Variants in HAPLN1 observed in about 807,000 individuals in gnomAD.
HAPLN1 encodes hyaluronan and proteoglycan link protein 1.
Under a neutral mutation model 36.5 loss-of-function variants are expected in HAPLN1, and 13 were observed. The observed-to-expected ratio is 0.36, with a 90% CI of 0.23 to 0.57. The LOEUF is 0.57. Ranked by LOEUF, HAPLN1 falls within the 20% of genes least tolerant of loss-of-function variation. The pLI is 0.83. For synonymous variants in HAPLN1, 202 were observed against 169.8 expected, an observed-to-expected ratio of 1.19 and a Z score of -1.48; for missense variants, 407 against 439.7, an observed-to-expected ratio of 0.93 and a Z score of 0.66.
intron 2 of HAPLN1, among the ~76,000 whole-genome samples, chr5:83,658,800 G>C (rs954668730): frequency 6.6e-6 from 1 of 151,966 alleles, no homozygotes; most frequent in African/African-American, 2.4e-5. Context: ...CTCCCTTCGC[G>C]TCCAGCCTTT....
intron 4 of HAPLN1, among the ~76,000 whole-genome samples, chr5:83,643,694 C>T (rs944789419): frequency 6.6e-6 from 1 of 152,138 alleles, no homozygotes; most frequent in African/African-American, 2.4e-5. Flanking sequence ...CCAAGCAGTG[C>T]CCCTGCCTAG....
At chr5:83,719,842 C>T (rs1374248962) in intron 1 of HAPLN1, among the ~76,000 whole-genome samples, 1 of 152,138 alleles carries the variant, frequency 6.6e-6, no homozygotes, top group Non-Finnish European at 1.5e-5. Flanking sequence ...GCCTTAATTT[C>T]TTAAGAACTA....
chr5:83,654,678 T>C (rs543526758), intron 2 of HAPLN1, among the ~76,000 whole-genome samples: 1 of 152,232 alleles, frequency 6.6e-6, no homozygotes, highest in South Asian at 2.1e-4. Flanking sequence ...GACACATAGC[T>C]AAAATAGGTC....
intron 2 of HAPLN1, among the ~76,000 whole-genome samples, chr5:83,659,725 T>C (rs1021927336): frequency 1.3e-5 from 2 of 152,178 alleles, no homozygotes; most frequent in Non-Finnish European, 2.9e-5. Flanking sequence ...TTTCTCAGTA[T>C]ACCTATTGCT....
chr5:83,690,435 G>C (rs778360936), intron 1 of HAPLN1, among the ~76,000 whole-genome samples: 7 of 152,002 alleles, frequency 4.6e-5, no homozygotes, highest in Non-Finnish European at 7.4e-5. Context: ...AGAATTAGCT[G>C]TTTGGTCACG....
chr5:83,670,003 C>T (rs1750662337), intron 2 of HAPLN1, among the ~76,000 whole-genome samples: 1 of 152,104 alleles, frequency 6.6e-6, no homozygotes, highest in Non-Finnish European at 1.5e-5. Flanking sequence ...CTGACTCTGA[C>T]CTTGATAAGG....
chr5:83,707,301 G>A (rs1345420545), intron 1 of HAPLN1, among the ~76,000 whole-genome samples: 2 of 152,248 alleles, frequency 1.3e-5, no homozygotes, highest in East Asian at 3.9e-4. Flanking sequence ...AAGGAAGAAA[G>A]CTGGAAGAAT....
intron 1 of HAPLN1, among the ~76,000 whole-genome samples, chr5:83,715,614 T>C (rs776416830): frequency 6.6e-6 from 1 of 152,200 alleles, no homozygotes; most frequent in Non-Finnish European, 1.5e-5. Context: ...TTTAGTTTCA[T>C]ACTGGTGGAC....
chr5:83,645,680 G>A (rs541963944), intron 3 of HAPLN1, among the ~76,000 whole-genome samples: 2 of 151,672 alleles, frequency 1.3e-5, no homozygotes, highest in Non-Finnish European at 2.9e-5. Flanking sequence ...AGTGAGGCAC[G>A]CCTCCATAGA....
intron 3 of HAPLN1, among the ~76,000 whole-genome samples, chr5:83,651,217 T>C (rs988319147): frequency 3.9e-5 from 6 of 152,190 alleles, no homozygotes; most frequent in African/African-American, 1.2e-4. Context: ...ATAAGTGATC[T>C]GCCCCAGTTA....
At chr5:83,663,688 C>A (rs550464395) in intron 2 of HAPLN1, among the ~76,000 whole-genome samples, 36 of 152,240 alleles carry the variant, frequency 2.4e-4, no homozygotes, top group Admixed American at 1.3e-3. Flanking sequence ...GTTTATGCCT[C>A]CATCATCCAT....
intron 2 of HAPLN1, among the ~76,000 whole-genome samples, chr5:83,672,225 T>A (rs182642860): frequency 6.6e-6 from 1 of 152,346 alleles, no homozygotes; most frequent in Admixed American, 6.5e-5. Context: ...TTTGGCTGAA[T>A]TGAATTCTGT....
At chr5:83,715,123 G>A (rs1751889271) in intron 1 of HAPLN1, among the ~76,000 whole-genome samples, 1 of 152,220 alleles carries the variant, frequency 6.6e-6, no homozygotes, top group Non-Finnish European at 1.5e-5. Context: ...GGGATTCAAT[G>A]AGGCTTAATT....
chr5:83,652,942 A>G, intron 2 of HAPLN1, 118 bp from the exon 3 acceptor site: 3 of 983,724 alleles, frequency 3.0e-6, no homozygotes, highest in Non-Finnish European at 4.4e-6. Flanking sequence ...TTGAGTGGTT[A>G]GCTTCTCTAC....
At chr5:83,689,575 C>T (rs149840538) in intron 1 of HAPLN1, among the ~76,000 whole-genome samples, 163 of 152,184 alleles carry the variant, frequency 1.1e-3, no homozygotes, top group African/African-American at 3.6e-3. Context: ...TTGCCTGGGG[C>T]AGGCTGCAGT....
chr5:83,691,913 T>C lies in HAPLN1; in HGVS notation c.-26-18364A>G, dbSNP rs1006282848. On this transcript the variant is annotated intron_variant, in intron 1 of 4. Coordinates refer to ENST00000274341, the MANE Select transcript of HAPLN1 (RefSeq NM_001884.4). ...GAAGCTAGAAGAATTATTGAATATG[T>C]TACATATAGAGGCATGAAAAAGACA... Among the ~76,000 whole-genome samples, 18 of 152,026 alleles carry C rather than the reference T, an allele frequency of 1.2e-4. 1 individual carries two copies. Among genetic ancestry groups the C allele is most frequent in the South Asian group, 6.2e-4 (3 of 4,816 alleles).
At chr5:83,658,244 G>T (rs942177054) in intron 2 of HAPLN1, among the ~76,000 whole-genome samples, 16 of 152,166 alleles carry the variant, frequency 1.1e-4, no homozygotes, top group Non-Finnish European at 1.3e-4. Context: ...GCCAAAGCCT[G>T]CAGGAGAATG....
chr5:83,641,578 G>A lies in HAPLN1; in HGVS notation c.983C>T (p.Thr328Ile), dbSNP rs890293106. ...ISRPRRRCSP[T>I]EAAVRFVGFP... ...ACCCACGAAGCGCACTGCAGCCTCA[G>A]TAGGACTGCAGCGCCTTCTTGGCCT... The change falls in exon 5 of 5, where the codon ACT becomes ATT. Residue 328 changes from threonine (T) to isoleucine (I), a missense_variant. Thr to Ile is a moderately conservative substitution (Grantham distance 89). Coordinates refer to ENST00000274341, the MANE Select transcript of HAPLN1 (RefSeq NM_001884.4). The A allele has an allele frequency of 2.5e-6, 4 of 1,614,142 alleles. No individual in the cohort carries two copies. Among genetic ancestry groups the A allele is most frequent in the Admixed American group, 3.3e-5 (2 of 60,028 alleles).
chr5:83,716,220 TATTTA>T (rs1751909539), intron 1 of HAPLN1, among the ~76,000 whole-genome samples: 1 of 152,190 alleles, frequency 6.6e-6, no homozygotes, highest in East Asian at 1.9e-4. Context: ...ATTTGAATAT[TATTTA>T]ATTTAATTGG....
Sources: allele counts gnomAD v4.1 joint callset (sites outside exome capture counted in the v4.1 genomes callset), GRCh38; gene constraint gnomAD v4.1.1; transcripts MANE v1.5; gene names NCBI Gene and HGNC (gene_info 2026-07-23, HGNC 2026-07-21).